ITPR2: variants seen among roughly 807,000 people sequenced by gnomAD.
ITPR2 encodes inositol 1,4,5-trisphosphate receptor type 2.
ITPR2 carries 207 observed loss-of-function variants against 317.1 expected under a neutral mutation model. The ratio of observed to expected loss-of-function variants is 0.65; its 90% CI spans 0.58 to 0.73. ITPR2 has a LOEUF of 0.73. Ranked by LOEUF, ITPR2 falls within the 30% of genes least tolerant of loss-of-function variation. ITPR2 has a pLI of 0.00. For missense variants in ITPR2, 2,613 were observed against 3,284.0 expected (o/e 0.80, Z 4.99); for synonymous variants, 1,156 against 1,149.1 (o/e 1.01, Z -0.12).
chr12:26,589,851 T>C (rs199552725), intron 32 of ITPR2, among the ~76,000 whole-genome samples: 828 of 49,294 alleles, frequency 0.017, 28 homozygotes, highest in East Asian at 0.044. Flanking sequence ...TATATATATA[T>C]ATACACACAC....
chr12:26,768,293 G>C, intron 2 of ITPR2, among the ~76,000 whole-genome samples: 1 of 150,338 alleles, frequency 6.7e-6, no homozygotes, highest in Admixed American at 6.6e-5. Flanking sequence ...AGGGATAGCA[G>C]TGGGAGATAT....
chr12:26,678,375 G>A (rs1318523434), intron 13 of ITPR2, among the ~76,000 whole-genome samples: 2 of 151,740 alleles, frequency 1.3e-5, no homozygotes, highest in Non-Finnish European at 2.9e-5. Context: ...TACTTCCAGG[G>A]TTCATGTTCA....
At chr12:26,469,521 C>T (rs77499552) in intron 45 of ITPR2, among the ~76,000 whole-genome samples, 5,868 of 152,246 alleles carry the variant, frequency 0.039, 129 homozygotes, top group Middle Eastern at 0.11. Flanking sequence ...ATCAACCAAT[C>T]TCTAATAGCC....
intron 21 of ITPR2, among the ~76,000 whole-genome samples, chr12:26,653,588 A>C (rs997123732): frequency 6.6e-6 from 1 of 152,132 alleles, no homozygotes; most frequent in Non-Finnish European, 1.5e-5. Flanking sequence ...CTTCAAATCT[A>C]TTCTCTCTTT....
intron 13 of ITPR2, among the ~76,000 whole-genome samples, chr12:26,669,065 G>A (rs1947690716): frequency 6.6e-6 from 1 of 152,058 alleles, no homozygotes; most frequent in Non-Finnish European, 1.5e-5. Context: ...GCTGCAGTGA[G>A]CTGTGTGATT....
At chr12:26,712,048 C>T (rs191478980) in intron 8 of ITPR2, among the ~76,000 whole-genome samples, 9 of 152,292 alleles carry the variant, frequency 5.9e-5, no homozygotes, top group Middle Eastern at 6.8e-3. Context: ...CTGGTTATGA[C>T]AGGCGGGATG....
intron 34 of ITPR2, among the ~76,000 whole-genome samples, chr12:26,566,438 G>A (rs898112372): frequency 2.9e-5 from 4 of 136,500 alleles, no homozygotes; most frequent in African/African-American, 1.2e-4. Flanking sequence ...AAGAGGAGAA[G>A]GAGAGGAAAG....
chr12:26,408,137 G>A (rs1444017898), intron 52 of ITPR2, among the ~76,000 whole-genome samples: 2 of 152,084 alleles, frequency 1.3e-5, no homozygotes, highest in African/African-American at 4.8e-5. Context: ...AACTTTTTAT[G>A]TTTCCCTTAC....
chr12:26,689,036 C>G (rs142832577), intron 10 of ITPR2, among the ~76,000 whole-genome samples: 1 of 152,088 alleles, frequency 6.6e-6, no homozygotes, highest in Non-Finnish European at 1.5e-5. Context: ...ATGATGGATA[C>G]GTTAATTTGC....
chr12:26,384,655 C>G (rs1490390683), intron 55 of ITPR2, among the ~76,000 whole-genome samples: 1 of 152,176 alleles, frequency 6.6e-6, no homozygotes, highest in Non-Finnish European at 1.5e-5. Context: ...GCAGTCTTCT[C>G]TTAAGGTAAA....
chr12:26,547,178 AT>A (rs1944409108), intron 37 of ITPR2, among the ~76,000 whole-genome samples: 1 of 152,184 alleles, frequency 6.6e-6, no homozygotes, highest in South Asian at 2.1e-4. Flanking sequence ...TAACCAAAAT[AT>A]ACAAGAAACT....
At chr12:26,445,287 C>T (rs548299695) in intron 45 of ITPR2, among the ~76,000 whole-genome samples, 3 of 152,188 alleles carry the variant, frequency 2.0e-5, no homozygotes, top group South Asian at 4.1e-4. Flanking sequence ...AAGCTTTAGA[C>T]GAGGAGCGGG....
chr12:26,651,498 T>C (rs1468613201), intron 21 of ITPR2, among the ~76,000 whole-genome samples: 1 of 152,222 alleles, frequency 6.6e-6, no homozygotes, highest in Non-Finnish European at 1.5e-5. Flanking sequence ...TTTTGGTCCA[T>C]TTCTGATCTT....
intron 55 of ITPR2, 102 bp downstream of exon 55, chr12:26,387,332 T>C: frequency 1.8e-6 from 2 of 1,114,920 alleles, no homozygotes; most frequent in East Asian, 2.4e-5. Context: ...TAACAAAAAA[T>C]GATTGCTACA....
At chr12:26,393,918 G>A (rs1939919084) in intron 54 of ITPR2, among the ~76,000 whole-genome samples, 1 of 152,136 alleles carries the variant, frequency 6.6e-6, no homozygotes, top group South Asian at 2.1e-4. Context: ...GACAAGTATA[G>A]AGACAATATC....
chr12:26,507,639 T>C (rs1347245235), intron 37 of ITPR2, among the ~76,000 whole-genome samples: 1 of 152,222 alleles, frequency 6.6e-6, no homozygotes, highest in Non-Finnish European at 1.5e-5. Context: ...ATTCACCTAT[T>C]GAAATTAGCT....
At chr12:26,415,951 C>A (rs1940707605) in intron 50 of ITPR2, among the ~76,000 whole-genome samples, 1 of 152,072 alleles carries the variant, frequency 6.6e-6, no homozygotes, top group Admixed American at 6.6e-5. Flanking sequence ...GAACAATTGA[C>A]AAATTCATTA....
intron 21 of ITPR2, among the ~76,000 whole-genome samples, chr12:26,647,096 C>T (rs865953018): frequency 1.6e-4 from 25 of 152,278 alleles, no homozygotes; most frequent in Admixed American, 6.5e-4. Flanking sequence ...TAATTATGCC[C>T]AAAGTTCACT....
intron 13 of ITPR2, among the ~76,000 whole-genome samples, chr12:26,675,529 C>T (rs1396941907): frequency 1.3e-5 from 2 of 151,532 alleles, no homozygotes; most frequent in African/African-American, 4.9e-5. Flanking sequence ...GGGAACATCA[C>T]ACTCTGGGGA....
Sources: gnomAD v4.1 joint callset for allele counts (sites outside exome capture counted in the v4.1 genomes callset) on GRCh38, gnomAD v4.1.1 for gene constraint, MANE v1.5 for transcripts, NCBI Gene and HGNC (gene_info 2026-07-23, HGNC 2026-07-21) for gene names.